Variants in WDR20 observed in about 807,000 individuals in gnomAD.
WDR20 encodes the protein WD repeat-containing protein 20.
WDR20 carries 3 observed loss-of-function variants against 38.7 expected under a neutral mutation model. That is an observed-to-expected ratio of 0.08 (90% CI 0.04 to 0.20). WDR20 has a LOEUF of 0.20. Among genes scored for constraint, WDR20 ranks in the 10% least tolerant of loss-of-function variants. WDR20 has a pLI of 1.00. For synonymous variants in WDR20, 298 were observed against 285.6 expected (o/e 1.04, Z -0.44); for missense variants, 559 against 727.7 (o/e 0.77, Z 2.67).
downstream of WDR20, among the ~76,000 whole-genome samples, chr14:102,216,277 G>T (rs2153048199): frequency 6.6e-6 from 1 of 152,324 alleles, no homozygotes. Context: ...TGCCACAAGA[G>T]TGCACAGGGC....
intron 1 of WDR20, among the ~76,000 whole-genome samples, chr14:102,148,770 G>A (rs1243571897): frequency 2.0e-5 from 3 of 151,532 alleles, no homozygotes; most frequent in Admixed American, 6.6e-5. Context: ...ATAGCTCACT[G>A]CAGCTTCAAC....
chr14:102,155,247 C>G (rs1305817263), intron 1 of WDR20, among the ~76,000 whole-genome samples: 1 of 152,174 alleles, frequency 6.6e-6, no homozygotes, highest in African/African-American at 2.4e-5. Flanking sequence ...TATAAACACT[C>G]TTTCAGAAAT....
downstream of WDR20, among the ~76,000 whole-genome samples, chr14:102,219,025 T>C (rs2063570165): frequency 6.6e-6 from 1 of 152,190 alleles, no homozygotes; most frequent in East Asian, 1.9e-4. Context: ...AGCAGGCGGA[T>C]TGGGGCAGCA....
chr14:102,194,577 C>T (rs1024105110), intron 1 of WDR20, among the ~76,000 whole-genome samples: 38 of 152,160 alleles, frequency 2.5e-4, no homozygotes, highest in Admixed American at 2.4e-3. Flanking sequence ...GAAAGCCGAG[C>T]TTTTTATGTG....
intron 1 of WDR20, among the ~76,000 whole-genome samples, chr14:102,192,280 A>G (rs922416606): frequency 6.6e-6 from 1 of 151,946 alleles, no homozygotes; most frequent in Non-Finnish European, 1.5e-5. Flanking sequence ...CCCAGGTTCA[A>G]GCGATTCTCC....
chr14:102,176,768 CTG>C (rs2062200246), intron 1 of WDR20, among the ~76,000 whole-genome samples: 1 of 151,718 alleles, frequency 6.6e-6, no homozygotes, highest in South Asian at 2.1e-4. Context: ...GAGTCTTGCT[CTG>C]TCTCCCAGGC....
chr14:102,206,274 G>A (rs1343237773), intron 2 of WDR20, among the ~76,000 whole-genome samples: 7 of 152,148 alleles, frequency 4.6e-5, no homozygotes, highest in Non-Finnish European at 7.4e-5. Context: ...GGCGTGAGCC[G>A]CCGCGCCTGG....
downstream of WDR20, among the ~76,000 whole-genome samples, chr14:102,211,625 C>T (rs1314335326): frequency 2.6e-5 from 4 of 152,332 alleles, no homozygotes; most frequent in Middle Eastern, 3.4e-3. This position sits in a 1 kb window ranked among gnomAD's most constrained non-coding sequence, Gnocchi z 4.2. Context: ...CTGTGGAATA[C>T]GGGCCTTTGT....
At chr14:102,139,485 G>A, upstream of WDR20, 1 of 1,405,436 alleles carries the variant, frequency 7.1e-7, no homozygotes. Flanking sequence ...GCTCTTTGGG[G>A]TCCCGGCGCC....
intron 1 of WDR20, among the ~76,000 whole-genome samples, chr14:102,165,010 T>TC (rs1412465739): frequency 6.6e-6 from 1 of 152,246 alleles, no homozygotes; most frequent in Non-Finnish European, 1.5e-5. Context: ...CCGGCAGAGT[T>TC]CCGTCTCTGC....
chr14:102,214,251 C>T (rs984406843), downstream of WDR20: 166 of 985,532 alleles, frequency 1.7e-4, no homozygotes, highest in Non-Finnish European at 2.0e-4. Flanking sequence ...AGGGCCCCCC[C>T]TTGTCTGGAG....
At chr14:102,155,318 T>G (rs1216238416) in intron 1 of WDR20, among the ~76,000 whole-genome samples, 1 of 152,242 alleles carries the variant, frequency 6.6e-6, no homozygotes, top group African/African-American at 2.4e-5. Flanking sequence ...ACCAAAGGGC[T>G]GCAACTGACT....
chr14:102,147,948 C>A (rs935849407), intron 1 of WDR20, among the ~76,000 whole-genome samples: 16 of 152,204 alleles, frequency 1.1e-4, no homozygotes, highest in African/African-American at 3.4e-4. Flanking sequence ...CCAGGCTGGC[C>A]TTGAACTCCT....
rs2061900697 is a variant in WDR20, at chr14:102,208,181, G to A, written c.433-422G>A. Reference sequence around the variant, plus strand: ...GGTGAGGCAGAGCCCTCCTGGCTGTGAGGACTCACAGGCTTCACCTGCAGG... The same window carrying A: ...GGTGAGGCAGAGCCCTCCTGGCTGTAAGGACTCACAGGCTTCACCTGCAGG... On this transcript the variant is annotated intron_variant, in intron 2 of 2. Transcript: ENST00000342702. The surrounding 1 kb of genome is among the most constrained non-coding windows in gnomAD (Gnocchi z 5.6). Among the ~76,000 whole-genome samples the A allele has an allele frequency of 6.6e-6, 1 of 152,250 alleles. No homozygotes were observed. The highest frequency in any genetic ancestry group is 2.4e-5 in the African/African-American group (1 of 41,478).
At chr14:102,140,400 C>CG (rs1213704560) in intron 1 of WDR20, among the ~76,000 whole-genome samples, 4 of 150,950 alleles carry the variant, frequency 2.6e-5, no homozygotes, top group African/African-American at 7.3e-5. Flanking sequence ...CCGTGGGGCG[C>CG]GGGGGTTCTG....
intron 1 of WDR20, among the ~76,000 whole-genome samples, chr14:102,153,778 C>T (rs1468255405): frequency 2.6e-5 from 4 of 152,232 alleles, no homozygotes; most frequent in Non-Finnish European, 5.9e-5. Flanking sequence ...TTATGCATTG[C>T]TGGCTCCTTC....
At chr14:102,210,805 G>A (rs868284407), downstream of WDR20, among the ~76,000 whole-genome samples, 30 of 152,226 alleles carry the variant, frequency 2.0e-4, no homozygotes, top group Non-Finnish European at 3.4e-4. Context: ...GCTTTGTTTC[G>A]TAAAGCCTGA....
In WDR20 at chr14:102,222,759, C is replaced by T. The variant is rs1185104377; in HGVS notation, c.1693-71C>T. ...AGTTTTGACCACGTGGAGCTGCTGG[C>T]GGAGGGCGCGCATGGTGGCTGTTGC... On this transcript the variant is annotated intron_variant, in intron 3 of 3. Transcript: ENST00000335263. The surrounding 1 kb of genome is among the most constrained non-coding windows in gnomAD (Gnocchi z 4.4). 1.1e-5 allele frequency: 17 copies of T among 1,565,660 alleles called. No homozygotes were observed. The East Asian group carries it at 2.0e-4, about 19-fold the overall frequency.
At chr14:102,214,938 T>C, downstream of WDR20, 2 of 985,372 alleles carry the variant, frequency 2.0e-6, no homozygotes, top group Non-Finnish European at 2.4e-6. Context: ...ATACTTGATA[T>C]TCTGAAGTAC....
Sources: gnomAD v4.1 joint callset for allele counts (sites outside exome capture counted in the v4.1 genomes callset) on GRCh38, gnomAD v4.1.1 for gene constraint, Gnocchi (gnomAD v3.1) non-coding constraint, MANE v1.5 for transcripts, NCBI Gene and HGNC (gene_info 2026-07-23, HGNC 2026-07-21) for gene names.